The following CRYBG3 variants were observed in gnomAD, a reference collection of about 807,000 sequenced individuals.
The protein encoded by CRYBG3 is crystallin beta-gamma domain containing 3.
A neutral mutation model predicts 244.2 loss-of-function variants in CRYBG3; 127 were observed. The observed-to-expected ratio is 0.52, with a 90% CI of 0.45 to 0.60. The LOEUF (loss-of-function observed/expected upper bound fraction) is 0.60. CRYBG3 is among the 20% of genes least tolerant of loss of function. The pLI is 0.00. For missense variants in CRYBG3, 3,325 were observed against 3,442.5 expected (o/e 0.97, Z 0.85); for synonymous variants, 1,132 against 1,195.8 (o/e 0.95, Z 1.10).
Position 97,877,152 on chromosome 3 carries a change from A to G in CRYBG3, c.5958A>G (p.Leu1986=). Residue 1986 remains leucine, a synonymous_variant, in exon 4 of 22, where the codon TTA becomes TTG. Transcript: ENST00000389622. ...ETDYSDKGYN[L]AFVSQDEQEN... is the part of the protein sequence containing the mutation. ...ATTATAGTGACAAAGGATATAATTT[A>G]GCTTTTGTTTCTCAAGATGAACAAG... 2 of 1,614,018 alleles carry G rather than the reference A, an allele frequency of 1.2e-6. No individual in the cohort carries two copies. Among genetic ancestry groups the G allele is most frequent in the East Asian group, 2.2e-5 (1 of 44,878 alleles).
At chr3:97,921,604 G>A (rs948068938) in intron 17 of CRYBG3, among the ~76,000 whole-genome samples, 42 of 152,144 alleles carry the variant, frequency 2.8e-4, no homozygotes, top group African/African-American at 9.7e-4. Context: ...AGCTTTAGAA[G>A]TTGGGGGATG....
intron 11 of CRYBG3, among the ~76,000 whole-genome samples, chr3:97,895,492 C>T (rs2039629404): frequency 1.3e-5 from 2 of 152,270 alleles, no homozygotes. Context: ...ACTGAAGCCT[C>T]GTGACAGATT....
At chr3:97,857,917 G>A (rs1446790935) in intron 2 of CRYBG3, among the ~76,000 whole-genome samples, 5 of 151,726 alleles carry the variant, frequency 3.3e-5, no homozygotes, top group Admixed American at 6.6e-5. Flanking sequence ...TTTATCTTTG[G>A]TGGTTTTCTA....
chr3:97,841,403 T>G (rs2038816666), intron 1 of CRYBG3, among the ~76,000 whole-genome samples: 1 of 151,958 alleles, frequency 6.6e-6, no homozygotes, highest in South Asian at 2.1e-4. Flanking sequence ...TGTTTAGCGG[T>G]ATCCGTTTGG....
chr3:97,842,115 A>G (rs1485382352), intron 1 of CRYBG3, among the ~76,000 whole-genome samples: 2 of 152,184 alleles, frequency 1.3e-5, no homozygotes, highest in Non-Finnish European at 2.9e-5. Flanking sequence ...TGAGTTTTGC[A>G]AAGAACCTGA....
In CRYBG3 at chr3:97,875,724, A is replaced by G; in HGVS notation, c.4530A>G (p.Gly1510=). The stretch of plus-strand genomic sequence containing the variant: ...GTATATCTGAAAAAAACTTGCCAGG[A>G]CACAGTAAAAACACACCTCTTGCAA... ...LVCISEKNLP[G]HSKNTPLAMS... The change falls in exon 4 of 22, where the codon GGA becomes GGG. Residue 1510 remains glycine, a synonymous_variant. Transcript: ENST00000389622. 8.1e-7 allele frequency: 1 copy of G among 1,232,302 alleles called. No individual in the cohort carries two copies. The highest frequency in any genetic ancestry group is 1.0e-6 in the Non-Finnish European group (1 of 988,126). The allele number at this position is 1,232,302 out of a possible 1,614,324, so 76.3% of individuals were successfully genotyped here.
chr3:97,863,368 C>T (rs969597999), intron 2 of CRYBG3, among the ~76,000 whole-genome samples: 1 of 152,154 alleles, frequency 6.6e-6, no homozygotes, highest in Non-Finnish European at 1.5e-5. Context: ...AGTTTTTCCT[C>T]ATACAGAGTA....
Position 97,892,940 on chromosome 3 carries a change from GA to G in CRYBG3, c.7526del (p.Asn2509IlefsTer47). The G allele has an allele frequency of 6.2e-7, 1 of 1,601,236 alleles. No individual in the cohort carries two copies. Among genetic ancestry groups the G allele is most frequent in the Non-Finnish European group, 8.5e-7 (1 of 1,174,154 alleles). On this transcript the variant is annotated frameshift_variant, in exon 11 of 22. Coordinates refer to ENST00000389622, the MANE Select transcript of CRYBG3 (RefSeq NM_153605.4). LOFTEE classifies it high-confidence loss of function. ...ATATAGATTCTGTTCCTAATTTTTT[GA>G]AAAATAATGGAGATTTTCACAGAAT... The part of the protein sequence containing the change: ...EHIDSVPNFL[K>X]NNGDFHRIGS...
chr3:97,879,587 C>T (rs377633985), intron 4 of CRYBG3, 117 bp from the exon 5 acceptor site: 13 of 659,192 alleles, frequency 2.0e-5, no homozygotes, highest in Middle Eastern at 3.1e-4. Context: ...GCACCTTGCT[C>T]ATAATGATCA....
In CRYBG3 at chr3:97,865,611, A is replaced by G. The variant is rs191931306; in HGVS notation, c.647+964A>G. The stretch of plus-strand genomic sequence containing the variant: ...TAAAACATATTGATCCAGCTGTGGT[A>G]TTTGAAACAGTGTCATACTGATGTA... On this transcript the variant is annotated intron_variant, in intron 3 of 21. Coordinates refer to ENST00000389622, the MANE Select transcript of CRYBG3 (RefSeq NM_153605.4). Among the ~76,000 whole-genome samples, 748 of 152,272 alleles carry G rather than the reference A, an allele frequency of 4.9e-3. 5 individuals are homozygous for G. The highest frequency in any genetic ancestry group is 7.1e-3 in the Non-Finnish European group (485 of 68,004).
In CRYBG3 at chr3:97,846,930, G is replaced by A. The variant is rs1198971617; in HGVS notation, c.216+3669G>A. ...TTTATAAAGAAAAGGCGTTTCATTGGCTTACAGTTCTGCAGGCTTTACATA... is the reference window on the plus strand; with the variant it reads ...TTTATAAAGAAAAGGCGTTTCATTGACTTACAGTTCTGCAGGCTTTACATA... On this transcript the variant is annotated intron_variant, in intron 2 of 21. Coordinates refer to ENST00000389622, the MANE Select transcript of CRYBG3 (RefSeq NM_153605.4). Among the ~76,000 whole-genome samples the A allele has an allele frequency of 2.0e-5, 3 of 152,154 alleles. No homozygotes were observed. The East Asian group carries it at 5.8e-4, about 29-fold the overall frequency.
At chr3:97,843,495 C>G (rs1240193383) in intron 2 of CRYBG3, among the ~76,000 whole-genome samples, 3 of 152,126 alleles carry the variant, frequency 2.0e-5, no homozygotes, top group Non-Finnish European at 4.4e-5. Flanking sequence ...TTGGCTTTGC[C>G]ACTAACCCAA....
intron 7 of CRYBG3, among the ~76,000 whole-genome samples, chr3:97,884,754 CA>C (rs1376597017): frequency 1.3e-5 from 2 of 152,068 alleles, no homozygotes; most frequent in East Asian, 3.8e-4. Context: ...AAATCTTTTT[CA>C]ATCAACTAGA....
At chr3:97,840,611 T>C (rs1354563062) in intron 1 of CRYBG3, 2 of 152,120 alleles carry the variant, frequency 1.3e-5, no homozygotes, top group African/African-American at 4.8e-5. Context: ...CTCATGAACT[T>C]AGCTGTATTT....
In CRYBG3 at chr3:97,863,126, A is replaced by G. The variant is rs578139119; in HGVS notation, c.217-1091A>G. 2.5e-4 allele frequency among the ~76,000 whole-genome samples: 38 copies of G among 152,242 alleles called. No individual in the cohort carries two copies. The South Asian group carries it at 4.1e-3, about 17-fold the overall frequency. On this transcript the variant is annotated intron_variant, in intron 2 of 21. Transcript: ENST00000389622. ...TTGTCATGTGAACCTAAAGTGCCCT[A>G]AGGTGGTTTTGCCTTGGTGTCCTGA...
rs979895191 is a variant in CRYBG3, at chr3:97,864,577, T to C, written c.577T>C (p.Ser193Pro). Residue 193 changes from serine to proline, a missense_variant, in exon 3 of 22, where the codon TCC (serine) becomes CCC (proline). By Grantham distance (74) the Ser-to-Pro change is moderately conservative. Coordinates refer to ENST00000389622, the MANE Select transcript of CRYBG3 (RefSeq NM_153605.4). ...AACAGAAGAACAAGACTCTAACTCA[T>C]CCGAACTCTCAGATGCTTTTTCTTT... ...HPTEEQDSNSSELSDAFSLDT... is the reference protein window; with the variant it reads ...HPTEEQDSNSPELSDAFSLDT... 26 of 1,535,708 alleles carry C rather than the reference T, an allele frequency of 1.7e-5. No homozygotes were observed. The Admixed American group carries it at 5.1e-4, about 30-fold the overall frequency.
chr3:97,923,241 G>A (rs1011104338), intron 17 of CRYBG3, among the ~76,000 whole-genome samples: 1 of 152,062 alleles, frequency 6.6e-6, no homozygotes. Flanking sequence ...TAATGTAAAT[G>A]ACAAGTTAAT....
intron 1 of CRYBG3, among the ~76,000 whole-genome samples, chr3:97,838,846 T>C (rs1218157978): frequency 6.6e-6 from 1 of 152,150 alleles, no homozygotes; most frequent in African/African-American, 2.4e-5. Flanking sequence ...GATCCTTTTT[T>C]TTCCATTGCT....
At chr3:97,929,793 T>A (rs1262631606) in intron 17 of CRYBG3, among the ~76,000 whole-genome samples, 1 of 152,038 alleles carries the variant, frequency 6.6e-6, no homozygotes, top group Non-Finnish European at 1.5e-5. Context: ...TTAAAATGTT[T>A]CAAATATTTT....
Sources: allele counts gnomAD v4.1 joint callset (sites outside exome capture counted in the v4.1 genomes callset), GRCh38; gene constraint gnomAD v4.1.1; transcripts MANE v1.5; gene names NCBI Gene and HGNC (gene_info 2026-07-23, HGNC 2026-07-21).